The following MACROD1 variants were observed in gnomAD, a reference collection of about 807,000 sequenced individuals.
MACROD1 encodes the protein mono-ADP ribosylhydrolase 1, also known as ADP-ribose glycohydrolase MACROD1.
A neutral mutation model predicts 41.4 loss-of-function variants in MACROD1; 31 were observed. The ratio of observed to expected loss-of-function variants is 0.75; its 90% confidence interval spans 0.56 to 1.01. The LOEUF is 1.01. Ranked by LOEUF, MACROD1 falls within the 50% of genes least tolerant of loss-of-function variation. MACROD1 has a pLI of 0.00. For synonymous variants in MACROD1, 252 were observed against 203.4 expected, an observed-to-expected ratio of 1.24 and a Z score of -2.03; for missense variants, 473 against 460.0, an observed-to-expected ratio of 1.03 and a Z score of -0.26.
At position 64,166,087 on chromosome 11, in the gene MACROD1, C is replaced by T; in HGVS notation, c.-93G>A. 8.2e-7 allele frequency: 1 copy of T among 1,213,668 alleles called. No individual in the cohort carries two copies. Among genetic ancestry groups the T allele is most frequent in the Non-Finnish European group, 1.0e-6 (1 of 972,802 alleles). The allele number at this position is 1,213,668 out of a possible 1,614,324, so 75.2% of individuals were successfully genotyped here. A position where few individuals can be genotyped will look rare whatever the true frequency, so the allele number is the denominator to read the frequency against. On this transcript the variant is annotated 5_prime_UTR_variant, in exon 1 of 11. Coordinates refer to ENST00000255681, the MANE Select transcript of MACROD1 (RefSeq NM_014067.4). The stretch of plus-strand genomic sequence containing the variant: ...CCTTATTTACTCTGGGACCGGGTGG[C>T]GACTGCCAGCCAGCGGCGACCTGCT...
chr11:64,116,695 C>G (rs781312114), intron 3 of MACROD1: 2 of 1,613,914 alleles, frequency 1.2e-6, no homozygotes, highest in South Asian at 2.2e-5. Context: ...CGCACCATTG[C>G]CAGGGACTCG....
At chr11:64,035,455 G>A (rs989731215) in intron 3 of MACROD1, among the ~76,000 whole-genome samples, 4 of 152,082 alleles carry the variant, frequency 2.6e-5, no homozygotes, top group African/African-American at 4.8e-5. Context: ...GTGCGGAGAG[G>A]AGGGTGCTGG....
At chr11:64,058,422 G>C (rs868354473) in intron 3 of MACROD1, among the ~76,000 whole-genome samples, 1 of 152,242 alleles carries the variant, frequency 6.6e-6, no homozygotes, top group Non-Finnish European at 1.5e-5. Flanking sequence ...GTCCTCCCCT[G>C]TATGCCAGGC....
rs1239969455 is a variant in MACROD1, at chr11:64,146,145, C to T, written c.517+5094G>A. Reference sequence around the variant, plus strand: ...CTATCTGTCAGGAACAAGAAGTCCACACACACAGGTCTGGTGCACCAGGAA... The same window carrying T: ...CTATCTGTCAGGAACAAGAAGTCCATACACACAGGTCTGGTGCACCAGGAA... On this transcript the variant is annotated intron_variant, in intron 3 of 10. Transcript: ENST00000255681. The surrounding 1 kb of genome is among the most constrained non-coding windows in gnomAD (Gnocchi z 4.7). 6.6e-6 allele frequency among the ~76,000 whole-genome samples: 1 copy of T among 152,196 alleles called. No homozygotes were observed. Among genetic ancestry groups the T allele is most frequent in the African/African-American group, 2.4e-5 (1 of 41,442 alleles).
At chr11:64,066,178 T>A (rs1182053312) in intron 3 of MACROD1, among the ~76,000 whole-genome samples, 1 of 149,752 alleles carries the variant, frequency 6.7e-6, no homozygotes, top group African/African-American at 2.5e-5. Context: ...GCACCTGTAA[T>A]CCCAGCTACT....
intron 3 of MACROD1, among the ~76,000 whole-genome samples, chr11:64,031,659 G>A (rs1943297356): frequency 6.6e-6 from 1 of 152,098 alleles, no homozygotes; most frequent in Non-Finnish European, 1.5e-5. Flanking sequence ...TGTATTTTTA[G>A]TAGAGACGGG....
At position 64,133,206 on chromosome 11, in the gene MACROD1, G is replaced by A. The variant is rs571931099; in HGVS notation, c.517+18033C>T. Among the ~76,000 whole-genome samples the A allele has an allele frequency of 2.0e-5, 3 of 152,370 alleles. No individual in the cohort carries two copies. The East Asian group carries it at 5.8e-4, about 29-fold the overall frequency. ...CCCCTGCTGCCCCGCTACACAGGGA[G>A]CAAGGACTGGGTCTTAATCACTTCG... On this transcript the variant is annotated intron_variant, in intron 3 of 10. Transcript: ENST00000255681.
intron 3 of MACROD1, among the ~76,000 whole-genome samples, chr11:64,095,456 G>A (rs1314463550): frequency 6.6e-6 from 1 of 152,162 alleles, no homozygotes; most frequent in Non-Finnish European, 1.5e-5. Context: ...TCCAACACAG[G>A]CAAAAAATCC....
At chr11:64,147,855 G>A (rs1183448396) in intron 3 of MACROD1, among the ~76,000 whole-genome samples, 1 of 151,574 alleles carries the variant, frequency 6.6e-6, no homozygotes, top group African/African-American at 2.4e-5. Flanking sequence ...CAATCCTCCT[G>A]CCTCAGCCTC....
At chr11:64,037,019 G>C (rs1195698679) in intron 3 of MACROD1, among the ~76,000 whole-genome samples, 1 of 152,230 alleles carries the variant, frequency 6.6e-6, no homozygotes, top group Admixed American at 6.5e-5. Flanking sequence ...CGGTGGCCCC[G>C]GGAGGTCTTC....
intron 3 of MACROD1, among the ~76,000 whole-genome samples, chr11:64,073,453 T>C (rs924974045): frequency 1.6e-4 from 25 of 152,218 alleles, no homozygotes; most frequent in African/African-American, 6.0e-4. Flanking sequence ...GAGCCTTAGT[T>C]TGGGCACCTG....
intron 3 of MACROD1, among the ~76,000 whole-genome samples, chr11:64,025,741 G>A (rs1191960663): frequency 7.1e-6 from 1 of 140,220 alleles, no homozygotes; most frequent in Non-Finnish European, 1.5e-5. Context: ...TTTTTCAGAC[G>A]GTCTCGCTCT....
chr11:64,129,880 T>G (rs757194435), intron 3 of MACROD1, among the ~76,000 whole-genome samples: 2 of 152,040 alleles, frequency 1.3e-5, no homozygotes, highest in African/African-American at 4.8e-5. Flanking sequence ...GGACCTGCAT[T>G]TCAGGAATGA....
At chr11:64,107,000 C>G (rs1437848606) in intron 3 of MACROD1, among the ~76,000 whole-genome samples, 1 of 152,232 alleles carries the variant, frequency 6.6e-6, no homozygotes, top group Non-Finnish European at 1.5e-5. Flanking sequence ...TCTCCTGCCT[C>G]AGCCTCCCAA....
At position 64,140,499 on chromosome 11, in the gene MACROD1, G is replaced by A. The variant is rs529327511; in HGVS notation, c.517+10740C>T. Among the ~76,000 whole-genome samples, 6 of 152,324 alleles carry A rather than the reference G, an allele frequency of 3.9e-5. No homozygotes were observed. In the East Asian group the frequency reaches 7.7e-4, roughly 20 times the overall value. ...TTCAGGATAGAGGGACCATTCCCCCGTTCCCAGCCCCACCAAGGGCTGGGT... is the reference window on the plus strand; with the variant it reads ...TTCAGGATAGAGGGACCATTCCCCCATTCCCAGCCCCACCAAGGGCTGGGT... On this transcript the variant is annotated intron_variant, in intron 3 of 10. Coordinates refer to ENST00000255681, the MANE Select transcript of MACROD1 (RefSeq NM_014067.4).
At chr11:64,076,116 G>A (rs1396720504) in intron 3 of MACROD1, among the ~76,000 whole-genome samples, 1 of 152,204 alleles carries the variant, frequency 6.6e-6, no homozygotes, top group Non-Finnish European at 1.5e-5. Context: ...AGCACAGGCT[G>A]GCCCTGCCAG....
Position 64,096,209 on chromosome 11 carries a change from C to T in MACROD1, c.517+55030G>A, listed in dbSNP as rs548960439. Among the ~76,000 whole-genome samples, 13 of 152,340 alleles carry T rather than the reference C, an allele frequency of 8.5e-5. No homozygotes were observed. The highest frequency in any genetic ancestry group is 1.6e-4 in the Non-Finnish European group (11 of 68,034). ...CAAGGGCCAGCCAAGAGCACTGTGA[C>T]GGGCAGGCAGGGGGTCGAACAGCCA... On this transcript the variant is annotated intron_variant, in intron 3 of 10. Transcript: ENST00000255681. The surrounding 1 kb of genome is among the most constrained non-coding windows in gnomAD (Gnocchi z 4.6).
intron 3 of MACROD1, among the ~76,000 whole-genome samples, chr11:64,040,141 C>T (rs1231765297): frequency 6.6e-6 from 1 of 152,272 alleles, no homozygotes; most frequent in Non-Finnish European, 1.5e-5. Flanking sequence ...GTGTCTTGCC[C>T]TCAGGGCGCT....
At chr11:64,109,248 A>C (rs1274331397) in intron 3 of MACROD1, among the ~76,000 whole-genome samples, 1 of 152,174 alleles carries the variant, frequency 6.6e-6, no homozygotes, top group South Asian at 2.1e-4. Flanking sequence ...AGCCAGCAGC[A>C]GGGTCCCCAG....
Sources: allele counts gnomAD v4.1 joint callset (sites outside exome capture counted in the v4.1 genomes callset), GRCh38; gene constraint gnomAD v4.1.1; non-coding constraint Gnocchi (gnomAD v3.1); transcripts MANE v1.5; gene names NCBI Gene and HGNC (gene_info 2026-07-23, HGNC 2026-07-21).